LEF1: variants seen among roughly 807,000 people sequenced by gnomAD.
LEF1 encodes lymphoid enhancer-binding factor 1.
In LEF1, 14 loss-of-function variants were observed where a neutral mutation model predicts 51.2. The ratio of observed to expected loss-of-function variants is 0.27; its 90% CI spans 0.18 to 0.43. The LOEUF is 0.43. Among genes scored for constraint, LEF1 ranks in the 20% least tolerant of loss-of-function variants. The probability of loss-of-function intolerance (pLI) is 1.00; values close to 1 mark genes in which losing one functional copy is unlikely to be tolerated. For missense variants in LEF1, 386 were observed against 512.0 expected, an observed-to-expected ratio of 0.75 and a Z score of 2.37; for synonymous variants, 185 against 183.2, an observed-to-expected ratio of 1.01 and a Z score of -0.08.
chr4:108,163,509 C>T, intron 3 of LEF1, 59 bp downstream of exon 3: 1 of 1,566,530 alleles, frequency 6.4e-7, no homozygotes, highest in Non-Finnish European at 8.7e-7. Context: ...AACATTCTGC[C>T]AAAATACAAA....
chr4:108,149,315 C>A (rs910408861), intron 3 of LEF1, among the ~76,000 whole-genome samples: 2 of 150,068 alleles, frequency 1.3e-5, no homozygotes, highest in Admixed American at 6.6e-5. Flanking sequence ...AAAAATTAGC[C>A]GGGCGTGGTG....
chr4:108,113,430 C>T (rs1741648794), intron 3 of LEF1, among the ~76,000 whole-genome samples: 1 of 152,024 alleles, frequency 6.6e-6, no homozygotes, highest in Admixed American at 6.6e-5. Flanking sequence ...TGAAACAAAC[C>T]CACACACAAA....
intron 3 of LEF1, among the ~76,000 whole-genome samples, chr4:108,105,444 G>A (rs1452830315): frequency 1.3e-5 from 2 of 152,142 alleles, no homozygotes; most frequent in African/African-American, 4.8e-5. Context: ...GCCTCTCAAA[G>A]TGATGGGATT....
intron 11 of LEF1, among the ~76,000 whole-genome samples, chr4:108,054,387 A>AT (rs761429014): frequency 1.3e-5 from 2 of 152,204 alleles, no homozygotes; most frequent in Non-Finnish European, 2.9e-5. Context: ...GCTGATGGTA[A>AT]TTCACTCTGC....
At chr4:108,089,298 C>T (rs767350279) in intron 3 of LEF1, 41 bp from the exon 4 acceptor site, 68 of 1,584,802 alleles carry the variant, frequency 4.3e-5, no homozygotes, top group Non-Finnish European at 5.3e-5. Flanking sequence ...TATGGATGCC[C>T]AGCTCCAGTC....
At chr4:108,112,961 C>T (rs772148667) in intron 3 of LEF1, among the ~76,000 whole-genome samples, 7 of 152,156 alleles carry the variant, frequency 4.6e-5, no homozygotes, top group African/African-American at 9.7e-5. Context: ...CATCAAAGCA[C>T]TGTCAGAAAC....
At chr4:108,137,322 C>T (rs892010291) in intron 3 of LEF1, among the ~76,000 whole-genome samples, 6 of 152,134 alleles carry the variant, frequency 3.9e-5, no homozygotes, top group Admixed American at 3.3e-4. Context: ...GTGTACACTG[C>T]TCTGGTGATG....
At chr4:108,114,858 C>T (rs1280771851) in intron 3 of LEF1, among the ~76,000 whole-genome samples, 2 of 152,220 alleles carry the variant, frequency 1.3e-5, no homozygotes, top group Non-Finnish European at 2.9e-5. Context: ...CCTCTGTGAA[C>T]AGAAACTCCA....
intron 11 of LEF1, among the ~76,000 whole-genome samples, chr4:108,057,066 C>T (rs1392150161): frequency 6.6e-6 from 1 of 152,092 alleles, no homozygotes; most frequent in African/African-American, 2.4e-5. Flanking sequence ...AGTTTGACAT[C>T]CCCCTTCCCC....
At chr4:108,149,956 C>CA (rs754575483) in intron 3 of LEF1, among the ~76,000 whole-genome samples, 292 of 120,928 alleles carry the variant, frequency 2.4e-3, no homozygotes, top group African/African-American at 5.9e-3. Flanking sequence ...TACTGTTAAC[C>CA]AAAAAAAAAA....
intron 3 of LEF1, among the ~76,000 whole-genome samples, chr4:108,159,082 C>T (rs1331856466): frequency 6.6e-6 from 1 of 151,886 alleles, no homozygotes; most frequent in Non-Finnish European, 1.5e-5. Context: ...GAGTAAGAAC[C>T]AGGCATGTAA....
rs1457960548 is a variant in LEF1 at position 108,089,269 on chromosome 4, C to A, written c.415-12G>T. ...GGCACTTTATTTGACTGCAAAGTAA[C>A]CACAAGGTCAATAGTTAATATGGAT... On this transcript the variant is annotated splice_polypyrimidine_tract_variant and intron_variant, in intron 3 of 11. Transcript: ENST00000265165. The A allele has an allele frequency of 6.2e-7, 1 of 1,612,538 alleles. No homozygotes were observed. Among genetic ancestry groups the A allele is most frequent in the Middle Eastern group, 1.7e-4 (1 of 6,030 alleles).
At chr4:108,145,472 C>T (rs1313039930) in intron 3 of LEF1, among the ~76,000 whole-genome samples, 4 of 152,012 alleles carry the variant, frequency 2.6e-5, no homozygotes, top group African/African-American at 9.7e-5. Context: ...ATACAGTGGC[C>T]AAAATTTTTA....
At chr4:108,090,554 T>G (rs1473072959) in intron 3 of LEF1, among the ~76,000 whole-genome samples, 1 of 152,128 alleles carries the variant, frequency 6.6e-6, no homozygotes, top group Non-Finnish European at 1.5e-5. Context: ...GTAAAATCAC[T>G]TATTTATTTA....
chr4:108,070,837 C>T, intron 8 of LEF1, 67 bp from the exon 9 acceptor site: 1 of 1,044,908 alleles, frequency 9.6e-7, no homozygotes, highest in Non-Finnish European at 1.4e-6. Flanking sequence ...TTTTATGTTT[C>T]AAAAATCAAA....
At chr4:108,128,645 C>G (rs1198417235) in intron 3 of LEF1, among the ~76,000 whole-genome samples, 1 of 151,760 alleles carries the variant, frequency 6.6e-6, no homozygotes, top group African/African-American at 2.4e-5. Context: ...TTCATTTGAG[C>G]TAGCAAACAA....
At chr4:108,101,816 A>G (rs1008075618) in intron 3 of LEF1, among the ~76,000 whole-genome samples, 3 of 152,154 alleles carry the variant, frequency 2.0e-5, no homozygotes, top group Non-Finnish European at 4.4e-5. Flanking sequence ...AAAGAACTGC[A>G]TATGGAAGCC....
intron 3 of LEF1, among the ~76,000 whole-genome samples, chr4:108,142,631 C>T (rs1404970124): frequency 6.6e-6 from 1 of 152,126 alleles, no homozygotes; most frequent in Non-Finnish European, 1.5e-5. Flanking sequence ...GCAGGGCGAC[C>T]ATAAATCACT....
chr4:108,106,629 C>T (rs1307050237), intron 3 of LEF1, among the ~76,000 whole-genome samples: 1 of 152,116 alleles, frequency 6.6e-6, no homozygotes, highest in African/African-American at 2.4e-5. Flanking sequence ...ATGAGGTCAT[C>T]GGGCTGCAAA....
Sources: allele counts gnomAD v4.1 joint callset (sites outside exome capture counted in the v4.1 genomes callset), GRCh38; gene constraint gnomAD v4.1.1; transcripts MANE v1.5; gene names NCBI Gene and HGNC (gene_info 2026-07-23, HGNC 2026-07-21).